Variants in GNG7 observed in about 807,000 individuals in gnomAD.
GNG7 encodes the protein G protein subunit gamma 7.
Under a neutral mutation model 4.0 loss-of-function variants are expected in GNG7, and 1 was observed. The observed-to-expected ratio is 0.25, with a 90% confidence interval of 0.09 to 1.18. The LOEUF (loss-of-function observed/expected upper bound fraction) is 1.18, where lower values mean the gene tolerates loss of function less well. Among genes scored for constraint, GNG7 ranks in the 50% most tolerant of loss-of-function variants. GNG7 has a pLI of 0.50. For synonymous variants in GNG7, 34 were observed against 36.9 expected (o/e 0.92, Z 0.29); for missense variants, 86 against 91.9 (o/e 0.94, Z 0.26).
intron 2 of GNG7, among the ~76,000 whole-genome samples, chr19:2,608,189 G>C (rs893406376): frequency 3.9e-5 from 6 of 152,040 alleles, no homozygotes; most frequent in Non-Finnish European, 7.4e-5. Context: ...CTAAAAGTCA[G>C]AACGATTCAC....
At chr19:2,538,510 A>G (rs1259641679) in intron 3 of GNG7, 1 of 350,194 alleles carries the variant, frequency 2.9e-6, no homozygotes, top group South Asian at 2.3e-5. Flanking sequence ...GCACACCTGT[A>G]GTTCCAGCTA....
chr19:2,642,480 C>T (rs954064754), intron 2 of GNG7: 25 of 342,690 alleles, frequency 7.3e-5, no homozygotes, highest in African/African-American at 5.4e-4. Context: ...ATCCTCCCAC[C>T]TCAGCCTCTT....
At chr19:2,638,279 T>G (rs1982369988) in intron 2 of GNG7, among the ~76,000 whole-genome samples, 1 of 150,100 alleles carries the variant, frequency 6.7e-6, no homozygotes, top group Admixed American at 6.6e-5. Flanking sequence ...AGAGAATTAC[T>G]TGAGCCTGGG....
At chr19:2,599,793 C>T (rs1981144891) in intron 2 of GNG7, among the ~76,000 whole-genome samples, 1 of 151,938 alleles carries the variant, frequency 6.6e-6, no homozygotes, top group East Asian at 1.9e-4. Context: ...AAAAATTAGC[C>T]GGGGGTGGTG....
In GNG7 at chr19:2,687,981, G is replaced by A. The variant is rs11878823; in HGVS notation, c.-135+14665C>T. ...GCCTCCAGATAAAATAGCCGGGCGC[G>A]GTGGCTCACGCCTGTAATCCCAGCA... is the stretch of plus-strand genomic sequence containing the variant. On this transcript the variant is annotated intron_variant, in intron 1 of 4. Coordinates refer to ENST00000382159, the MANE Select transcript of GNG7 (RefSeq NM_052847.3). 7.9e-3 allele frequency among the ~76,000 whole-genome samples: 1,202 copies of A among 151,754 alleles called. 18 individuals carry two copies. Among genetic ancestry groups the A allele is most frequent in the African/African-American group, 0.027 (1,126 of 41,326 alleles).
rs963824147 is a variant in GNG7, at chr19:2,623,441, G to A, written c.-78+22783C>T. ...AAAGGTGGAAGCAATCAATCCAAGCGTCCATCAACAGATGGACAGATAAAC... is the reference window on the plus strand; with the variant it reads ...AAAGGTGGAAGCAATCAATCCAAGCATCCATCAACAGATGGACAGATAAAC... On this transcript the variant is annotated intron_variant, in intron 2 of 4. Coordinates refer to ENST00000382159, the MANE Select transcript of GNG7 (RefSeq NM_052847.3). 1.1e-4 allele frequency among the ~76,000 whole-genome samples: 16 copies of A among 152,284 alleles called. No individual in the cohort carries two copies. The South Asian group carries it at 1.7e-3, about 16-fold the overall frequency.
chr19:2,515,163 A>AGGAGGAGAC lies in GNG7; in HGVS notation c.82-25_82-17dup, dbSNP rs1383472440. The AGGAGGAGAC allele has an allele frequency of 2.5e-6, 4 of 1,613,336 alleles. No individual in the cohort carries two copies. ...CTTTGGAGACCTGTGTTTGAGCACA[A>AGGAGGAGAC]GGAGGAGACAGAGGAGACATAAGAA... is the stretch of plus-strand genomic sequence containing the variant. On this transcript the variant is annotated splice_polypyrimidine_tract_variant and intron_variant, in intron 4 of 4. Coordinates refer to ENST00000382159, the MANE Select transcript of GNG7 (RefSeq NM_052847.3).
At chr19:2,569,269 C>G (rs1457273916) in intron 2 of GNG7, among the ~76,000 whole-genome samples, 2 of 151,924 alleles carry the variant, frequency 1.3e-5, no homozygotes, top group East Asian at 3.9e-4. Flanking sequence ...TCCATTCTCT[C>G]TCTCTCTCTC....
At chr19:2,676,243 C>A (rs1234331623) in intron 1 of GNG7, among the ~76,000 whole-genome samples, 1 of 152,226 alleles carries the variant, frequency 6.6e-6, no homozygotes, top group African/African-American at 2.4e-5. Flanking sequence ...AAATCCATTT[C>A]TGTGGTTTTG....
intron 1 of GNG7, among the ~76,000 whole-genome samples, chr19:2,692,532 G>GGCTGAGGCAGGCGAGTA (rs1303803315): frequency 2.0e-5 from 3 of 151,876 alleles, no homozygotes; most frequent in Non-Finnish European, 4.4e-5. Context: ...CTACTCGGGA[G>GGCTGAGGCAGGCGAGTA]GCTGAGGCAG....
intron 3 of GNG7, chr19:2,538,068 C>T (rs1426909909): frequency 2.7e-6 from 1 of 376,794 alleles, no homozygotes; most frequent in African/African-American, 2.3e-5. Context: ...CAGAGCAAGA[C>T]TCTCTCTCAA....
chr19:2,558,708 CCTCTT>C (rs1317375038), intron 2 of GNG7, among the ~76,000 whole-genome samples: 1 of 151,608 alleles, frequency 6.6e-6, no homozygotes, highest in Non-Finnish European at 1.5e-5. Context: ...AACTTTCTTT[CCTCTT>C]CTTTCTTTCT....
chr19:2,593,908 C>G (rs1452603075), intron 2 of GNG7, among the ~76,000 whole-genome samples: 9 of 135,948 alleles, frequency 6.6e-5, no homozygotes, highest in Non-Finnish European at 1.2e-4. Context: ...AGCTGAGAGG[C>G]AGGCCGAAAT....
rs968628145 is a variant in GNG7 at position 2,579,127 on chromosome 19, T to C, written c.-77-23939A>G. 1.6e-4 allele frequency among the ~76,000 whole-genome samples: 25 copies of C among 152,374 alleles called. 1 individual carries two copies. Among genetic ancestry groups the C allele is most frequent in the African/African-American group, 5.8e-4 (24 of 41,590 alleles). ...TGCCTGCAGCAGAGGGTCCCGTGAT[T>C]TGGGGCTCCGCCTCAGCATCTGCGG... On this transcript the variant is annotated intron_variant, in intron 2 of 4. Transcript: ENST00000382159.
intron 1 of GNG7, among the ~76,000 whole-genome samples, chr19:2,699,520 A>G (rs1913350063): frequency 6.6e-6 from 1 of 152,222 alleles, no homozygotes; most frequent in South Asian, 2.1e-4. Flanking sequence ...TGACAGCACT[A>G]AATGACTTAA....
chr19:2,567,331 T>TTGTGTGTGTGTGTGTGTGTTTGTG (rs1979950622), intron 2 of GNG7, among the ~76,000 whole-genome samples: 1 of 137,172 alleles, frequency 7.3e-6, no homozygotes, highest in Admixed American at 7.5e-5. Flanking sequence ...TGTCGTCGAT[T>TTGTGTGTGTGTGTGTGTGTTTGTG]TGTGTGTGTG....
intron 2 of GNG7, among the ~76,000 whole-genome samples, chr19:2,576,481 C>T (rs374157839): frequency 1.3e-5 from 2 of 152,222 alleles, no homozygotes; most frequent in Non-Finnish European, 2.9e-5. Context: ...TGGCCACCCT[C>T]ACACGTCTGG....
At chr19:2,541,553 T>G (rs1030295470) in intron 3 of GNG7, among the ~76,000 whole-genome samples, 3 of 151,706 alleles carry the variant, frequency 2.0e-5, no homozygotes, top group African/African-American at 7.3e-5. Context: ...GCCAAGATGG[T>G]GAAACCCCGT....
rs1277499271 is a variant in GNG7, at chr19:2,557,169, C to A, written c.-77-1981G>T. 1.3e-5 allele frequency among the ~76,000 whole-genome samples: 2 copies of A among 151,470 alleles called. No individual in the cohort carries two copies. The highest frequency in any genetic ancestry group is 3.0e-5 in the Non-Finnish European group (2 of 67,692). On this transcript the variant is annotated intron_variant, in intron 2 of 4. Transcript: ENST00000382159. The surrounding 1 kb of genome is among the most constrained non-coding windows in gnomAD (Gnocchi z 5.1). ...GCACATGCACACAAAGACACGCGCA[C>A]ACACGTACACACAAGACACGTGCAC...
Sources: gnomAD v4.1 joint callset for allele counts (sites outside exome capture counted in the v4.1 genomes callset) on GRCh38, gnomAD v4.1.1 for gene constraint, Gnocchi (gnomAD v3.1) non-coding constraint, MANE v1.5 for transcripts, NCBI Gene and HGNC (gene_info 2026-07-23, HGNC 2026-07-21) for gene names.